The following SUN1 variants were observed in gnomAD, a reference collection of about 807,000 sequenced individuals.
The protein encoded by SUN1 is Sad1 and UNC84 domain containing 1.
SUN1 carries 61 observed loss-of-function variants against 103.2 expected under a neutral mutation model. The observed-to-expected ratio is 0.59, with a 90% CI of 0.48 to 0.73. The LOEUF is 0.73. SUN1 is among the 30% of genes least tolerant of loss of function. The probability of loss-of-function intolerance (pLI) is 0.00; values close to 1 mark genes in which losing one functional copy is unlikely to be tolerated. For missense variants in SUN1, 1,052 were observed against 1,034.6 expected (o/e 1.02, Z -0.23); for synonymous variants, 490 against 425.7 (o/e 1.15, Z -1.86).
chr7:852,546 A>G, intron 7 of SUN1, 63 bp from the exon 8 acceptor site: 1 of 1,604,114 alleles, frequency 6.2e-7, no homozygotes, highest in South Asian at 1.1e-5. Flanking sequence ...AGAGGGGGAA[A>G]ACAGATTGGT....
chr7:849,586 T>G, intron 5 of SUN1: 3 of 1,442,678 alleles, frequency 2.1e-6, no homozygotes, highest in Non-Finnish European at 2.8e-6. Flanking sequence ...CACCTCAGTG[T>G]AAATGGGGAA....
At chr7:833,955 A>G (rs371794740) in intron 1 of SUN1, among the ~76,000 whole-genome samples, 33 of 152,352 alleles carry the variant, frequency 2.2e-4, no homozygotes, top group African/African-American at 6.7e-4. Context: ...TGGGAGAGCA[A>G]CACTTAATTT....
chr7:852,175 A>T (rs1181608709), intron 7 of SUN1, 132 bp downstream of exon 7: 12 of 842,952 alleles, frequency 1.4e-5, no homozygotes, highest in Admixed American at 2.8e-5. Flanking sequence ...ATTTTACAAA[A>T]GTGCTTTTAT....
At chr7:841,161 G>A (rs190712808) in intron 2 of SUN1, among the ~76,000 whole-genome samples, 1 of 151,272 alleles carries the variant, frequency 6.6e-6, no homozygotes, top group East Asian at 1.9e-4. Context: ...TTGAACTCCC[G>A]ACCTCAGGTG....
At chr7:821,135 G>C (rs1785487287) in intron 1 of SUN1, among the ~76,000 whole-genome samples, 1 of 142,060 alleles carries the variant, frequency 7.0e-6, no homozygotes, top group South Asian at 2.3e-4. Flanking sequence ...GAGAGTGGAT[G>C]CTAACATCTA....
At chr7:844,549 T>C (rs1813342115) in intron 5 of SUN1, among the ~76,000 whole-genome samples, 1 of 152,184 alleles carries the variant, frequency 6.6e-6, no homozygotes, top group South Asian at 2.1e-4. Context: ...GGCCCTCACT[T>C]GTGGTTGTGT....
chr7:856,648 C>T lies in SUN1; in HGVS notation c.1394+247C>T, dbSNP rs1051063190. Among the ~76,000 whole-genome samples the T allele has an allele frequency of 5.2e-4, 79 of 152,276 alleles. 2 individuals are homozygous for T. Among genetic ancestry groups the T allele is most frequent in the Middle Eastern group, 3.4e-3 (1 of 294 alleles). On this transcript the variant is annotated intron_variant, in intron 12 of 18. Coordinates refer to ENST00000401592, the MANE Select transcript of SUN1 (RefSeq NM_001130965.3). ...AGTTAGCACTCTCAAAGGTGCTGTC[C>T]GCGCCCCTGCTGTGACCCGGAGGGC...
upstream of SUN1, among the ~76,000 whole-genome samples, chr7:830,372 C>G (rs540229812): frequency 2.6e-5 from 4 of 152,214 alleles, no homozygotes; most frequent in Non-Finnish European, 5.9e-5. Context: ...AGATCCTGGA[C>G]AGGTGTCATT....
intron 15 of SUN1, among the ~76,000 whole-genome samples, chr7:862,372 C>T (rs188156742): frequency 3.3e-5 from 5 of 152,200 alleles, no homozygotes; most frequent in South Asian, 2.1e-4. Context: ...CCCATTAGTA[C>T]GGGAGCAGCT....
Position 838,055 on chromosome 7 carries a change from T to C in SUN1, c.78-743T>C, listed in dbSNP as rs562968109. Among the ~76,000 whole-genome samples the C allele has an allele frequency of 1.6e-4, 24 of 152,322 alleles. No individual in the cohort carries two copies. In the South Asian group the frequency reaches 5.0e-3, roughly 32 times the overall value. On this transcript the variant is annotated intron_variant, in intron 1 of 18. Transcript: ENST00000401592. ...CTCAAAGCAGTTTGTATTAACTTAC[T>C]GTTGGTCATGAACGTATGACAGGGT...
At chr7:865,264 T>C (rs945480389) in intron 15 of SUN1, among the ~76,000 whole-genome samples, 6 of 151,918 alleles carry the variant, frequency 3.9e-5, no homozygotes, top group African/African-American at 1.5e-4. Context: ...CCCGCCACCA[T>C]GCCCGGCTAA....
chr7:834,578 C>T (rs1801118735), intron 1 of SUN1, among the ~76,000 whole-genome samples: 1 of 152,176 alleles, frequency 6.6e-6, no homozygotes, highest in African/African-American at 2.4e-5. Context: ...TGCTTCCTTT[C>T]CTTTGGCTCC....
intron 16 of SUN1, 22 bp from the exon 17 acceptor site, chr7:869,327 C>G (rs1380655800): frequency 6.2e-7 from 1 of 1,610,380 alleles, no homozygotes. Context: ...ACTCTGAGTC[C>G]TCATGTTTTT....
At chr7:860,880 C>G (rs968705784) in intron 14 of SUN1, among the ~76,000 whole-genome samples, 2 of 152,136 alleles carry the variant, frequency 1.3e-5, no homozygotes, top group Non-Finnish European at 2.9e-5. Flanking sequence ...ATAAAACCAT[C>G]AGATCTCCCG....
chr7:873,342 CATT>C lies in SUN1; in HGVS notation c.*15_*17del. ...GAACCTGTCAAGTGAAGACACTACT[CATT>C]ATTTTTGTACATTTTTGTATATACT... On this transcript the variant is annotated 3_prime_UTR_variant, in exon 19 of 19. Transcript: ENST00000401592. 6.2e-7 allele frequency: 1 copy of C among 1,608,892 alleles called. No homozygotes were observed. The highest frequency in any genetic ancestry group is 8.5e-7 in the Non-Finnish European group (1 of 1,175,386).
chr7:858,502 C>A (rs1829572086), intron 13 of SUN1, among the ~76,000 whole-genome samples: 1 of 152,224 alleles, frequency 6.6e-6, no homozygotes, highest in African/African-American at 2.4e-5. Context: ...CACCATGCGT[C>A]TTCCCAGTCT....
chr7:839,120 C>A, intron 2 of SUN1, 134 bp downstream of exon 2: 1 of 838,248 alleles, frequency 1.2e-6, no homozygotes, highest in South Asian at 2.8e-5. Context: ...TGTACAGACA[C>A]ACAAACCTGT....
At chr7:865,184 T>C (rs1169470311) in intron 15 of SUN1, among the ~76,000 whole-genome samples, 5 of 152,128 alleles carry the variant, frequency 3.3e-5, no homozygotes, top group African/African-American at 1.2e-4. Context: ...GTCAGTGACG[T>C]GATCTCGGCT....
intron 5 of SUN1, among the ~76,000 whole-genome samples, chr7:846,613 G>A (rs1203838136): frequency 6.6e-6 from 1 of 152,136 alleles, no homozygotes; most frequent in East Asian, 1.9e-4. Flanking sequence ...TGTGGCTCAT[G>A]CCTGTAATCC....
Sources: gnomAD v4.1 joint callset for allele counts (sites outside exome capture counted in the v4.1 genomes callset) on GRCh38, gnomAD v4.1.1 for gene constraint, MANE v1.5 for transcripts, NCBI Gene and HGNC (gene_info 2026-07-23, HGNC 2026-07-21) for gene names.